EVL: variants seen among roughly 807,000 people sequenced by gnomAD.
EVL encodes Enah/Vasp-like, also known as ena/VASP-like protein.
In EVL, 21 loss-of-function variants were observed where a neutral mutation model predicts 59.6. The ratio of observed to expected loss-of-function variants is 0.35; its 90% confidence interval spans 0.25 to 0.51. The LOEUF (loss-of-function observed/expected upper bound fraction) is 0.51. Ranked by LOEUF, EVL falls within the 20% of genes least tolerant of loss-of-function variation. The pLI is 0.97. For synonymous variants in EVL, 198 were observed against 203.5 expected (o/e 0.97, Z 0.23); for missense variants, 462 against 546.6 (o/e 0.85, Z 1.54).
At chr14:99,998,515 T>C (rs1203379847) in intron 1 of EVL, among the ~76,000 whole-genome samples, 5 of 152,132 alleles carry the variant, frequency 3.3e-5, no homozygotes, top group Non-Finnish European at 1.5e-5. Context: ...CACACACATA[T>C]ATATACATGT....
At chr14:100,023,979 C>T (rs1215219860) in intron 1 of EVL, among the ~76,000 whole-genome samples, 3 of 152,172 alleles carry the variant, frequency 2.0e-5, no homozygotes, top group Admixed American at 6.5e-5. Context: ...CCCCATAATC[C>T]GTCAAGCAAG....
chr14:100,119,839 CAGG>C (rs1011745895), intron 3 of EVL, among the ~76,000 whole-genome samples: 5 of 152,156 alleles, frequency 3.3e-5, no homozygotes, highest in African/African-American at 1.2e-4. Context: ...GAACTTAGGC[CAGG>C]TCCTCTCGTG....
At chr14:100,105,459 A>G (rs1205667477) in intron 3 of EVL, among the ~76,000 whole-genome samples, 1 of 151,910 alleles carries the variant, frequency 6.6e-6, no homozygotes, top group African/African-American at 2.4e-5. Flanking sequence ...GAGCCTCAGT[A>G]TCCTCATTTG....
Position 100,109,323 on chromosome 14 carries a change from C to T in EVL, c.358+11665C>T, listed in dbSNP as rs944916194. ...ATACTCCTGGTCACCTTCTGCTCAT[C>T]CTTTGCCCTGCTGTTGTGAAGCCTT... is the stretch of plus-strand genomic sequence containing the variant. On this transcript the variant is annotated intron_variant, in intron 3 of 13. Transcript: ENST00000392920. This position sits in a 1 kb window ranked among gnomAD's most constrained non-coding sequence, Gnocchi z 4.3. 1.1e-5 allele frequency: 4 copies of T among 353,292 alleles called. No homozygotes were observed. Among genetic ancestry groups the T allele is most frequent in the African/African-American group, 6.4e-5 (3 of 46,672 alleles). 21.9% of individuals were successfully genotyped at this position (353,292 alleles called of 1,614,324 possible).
At chr14:100,056,221 A>AT (rs201244757) in intron 1 of EVL, among the ~76,000 whole-genome samples, 1,981 of 147,170 alleles carry the variant, frequency 0.013, 47 homozygotes, top group Admixed American at 0.042. Context: ...CTTTTTTTTA[A>AT]TTTTTTTTTT....
chr14:100,089,079 A>G (rs1175508084), intron 2 of EVL, among the ~76,000 whole-genome samples: 3 of 152,240 alleles, frequency 2.0e-5, no homozygotes, highest in Non-Finnish European at 4.4e-5. Context: ...TAAAAGGGCA[A>G]TTGAAAAAGA....
intron 1 of EVL, among the ~76,000 whole-genome samples, chr14:100,070,006 C>G (rs902258622): frequency 1.3e-5 from 2 of 149,434 alleles, no homozygotes; most frequent in African/African-American, 5.0e-5. Context: ...GCAGGTAGAT[C>G]ACCTGAGCTG....
chr14:100,019,016 T>C (rs966227469), intron 1 of EVL, among the ~76,000 whole-genome samples: 1 of 152,172 alleles, frequency 6.6e-6, no homozygotes, highest in Non-Finnish European at 1.5e-5. Context: ...AGGAGTGACA[T>C]GTAAGGTCAC....
At chr14:100,023,891 C>T (rs2061168671) in intron 1 of EVL, among the ~76,000 whole-genome samples, 3 of 152,126 alleles carry the variant, frequency 2.0e-5, no homozygotes, top group Admixed American at 2.0e-4. Context: ...ATGTAGTTTT[C>T]CTTCTACCTC....
chr14:100,049,665 T>G (rs2061613888), intron 1 of EVL, among the ~76,000 whole-genome samples: 2 of 152,284 alleles, frequency 1.3e-5, no homozygotes, highest in South Asian at 4.1e-4. Context: ...TACCATAAAA[T>G]CCACCCTTTG....
intron 10 of EVL, 29 bp from the exon 11 acceptor site, chr14:100,137,711 C>A (rs371019517): frequency 1.2e-6 from 2 of 1,613,904 alleles, no homozygotes; most frequent in Non-Finnish European, 1.7e-6. Context: ...GGCGCCGATT[C>A]ACATGTCTGT....
chr14:99,978,201 A>G (rs561321434), intron 1 of EVL: 4 of 151,886 alleles, frequency 2.6e-5, no homozygotes, highest in South Asian at 2.1e-4. Flanking sequence ...GATCGAGACC[A>G]TCCTGGCTAA....
intron 1 of EVL, among the ~76,000 whole-genome samples, chr14:99,993,909 G>T (rs1019875137): frequency 6.6e-6 from 1 of 151,420 alleles, no homozygotes; most frequent in Non-Finnish European, 1.5e-5. Flanking sequence ...GGCCAGGCTG[G>T]TCTCGAGCTC....
chr14:100,081,642 G>C (rs1488700328), intron 1 of EVL, among the ~76,000 whole-genome samples: 1 of 152,112 alleles, frequency 6.6e-6, no homozygotes, highest in African/African-American at 2.4e-5. Context: ...TAAAAGGTGT[G>C]TGTGATACCC....
At chr14:100,066,893 T>G (rs1307858773) in intron 1 of EVL, among the ~76,000 whole-genome samples, 1 of 152,206 alleles carries the variant, frequency 6.6e-6, no homozygotes, top group East Asian at 1.9e-4. Context: ...CCAAAATAAC[T>G]CTGCTTTTAT....
chr14:100,053,300 G>A (rs150244185), intron 1 of EVL, among the ~76,000 whole-genome samples: 23 of 151,414 alleles, frequency 1.5e-4, no homozygotes, highest in East Asian at 5.8e-4. Flanking sequence ...TTCTCATTTC[G>A]CCTTCTAATG....
chr14:100,030,568 C>T (rs2061298732), intron 1 of EVL, among the ~76,000 whole-genome samples: 2 of 152,188 alleles, frequency 1.3e-5, no homozygotes, highest in Non-Finnish European at 2.9e-5. Context: ...TTCCCCTCTC[C>T]CTGAGCGTTC....
At chr14:100,079,582 G>T (rs376220527) in intron 1 of EVL, among the ~76,000 whole-genome samples, 2 of 152,150 alleles carry the variant, frequency 1.3e-5, no homozygotes, top group East Asian at 1.9e-4. Flanking sequence ...TCTACATCCT[G>T]TGCTTTTTCC....
At chr14:100,135,752 T>C in intron 8 of EVL, 153 bp from the exon 9 acceptor site, 1 of 726,322 alleles carries the variant, frequency 1.4e-6, no homozygotes, top group Non-Finnish European at 2.3e-6. Flanking sequence ...TTTTGCGTTT[T>C]CACTTTTAAA....
Sources: allele counts gnomAD v4.1 joint callset (sites outside exome capture counted in the v4.1 genomes callset), GRCh38; gene constraint gnomAD v4.1.1; non-coding constraint Gnocchi (gnomAD v3.1); transcripts MANE v1.5; gene names NCBI Gene and HGNC (gene_info 2026-07-23, HGNC 2026-07-21).